EYS: variants seen among roughly 807,000 people sequenced by gnomAD.
EYS encodes EGF-like photoreceptor maintenance factor, also known as protein eyes shut homolog.
In EYS, 250 loss-of-function variants were observed where a neutral mutation model predicts 282.1. The observed-to-expected ratio is 0.89, with a 90% CI of 0.80 to 0.98. The LOEUF (loss-of-function observed/expected upper bound fraction) is 0.98. Among genes scored for constraint, EYS ranks in the 50% least tolerant of loss-of-function variants. The pLI is 0.00. For missense variants in EYS, 4,016 were observed against 3,709.0 expected, an observed-to-expected ratio of 1.08 and a Z score of -2.15; for synonymous variants, 1,355 against 1,282.9, an observed-to-expected ratio of 1.06 and a Z score of -1.20.
chr6:65,105,051 A>G (rs1395837431), intron 12 of EYS, among the ~76,000 whole-genome samples: 1 of 151,680 alleles, frequency 6.6e-6, no homozygotes, highest in East Asian at 1.9e-4. Context: ...ATGTTTTTCC[A>G]TGGTTAAAAA....
intron 18 of EYS, among the ~76,000 whole-genome samples, chr6:64,891,898 G>A (rs1237932166): frequency 6.6e-6 from 1 of 151,714 alleles, no homozygotes; most frequent in Non-Finnish European, 1.5e-5. Flanking sequence ...TAAATAAAAA[G>A]CTTTTACTTC....
At chr6:64,536,947 T>C (rs1365250971) in intron 26 of EYS, among the ~76,000 whole-genome samples, 1 of 152,042 alleles carries the variant, frequency 6.6e-6, no homozygotes, top group Non-Finnish European at 1.5e-5. Context: ...CCTCAATTAA[T>C]ATACATTTGT....
chr6:63,737,471 G>C (rs1768948059), intron 41 of EYS, among the ~76,000 whole-genome samples: 2 of 152,134 alleles, frequency 1.3e-5, no homozygotes, highest in Admixed American at 6.6e-5. Flanking sequence ...TTTTTGATGT[G>C]CTGTTGGATT....
chr6:64,886,411 T>C (rs964651758), intron 19 of EYS, among the ~76,000 whole-genome samples: 8 of 152,018 alleles, frequency 5.3e-5, no homozygotes, highest in Admixed American at 5.3e-4. Flanking sequence ...CATACAGAAA[T>C]ACTTTTTTGT....
chr6:63,937,151 A>T (rs1314904684), intron 35 of EYS, among the ~76,000 whole-genome samples: 1 of 152,048 alleles, frequency 6.6e-6, no homozygotes, highest in Non-Finnish European at 1.5e-5. Context: ...CAATTGTAGG[A>T]TGCAAATGGG....
chr6:64,944,128 C>T (rs1348811320), intron 15 of EYS, among the ~76,000 whole-genome samples: 1 of 152,086 alleles, frequency 6.6e-6, no homozygotes, highest in Non-Finnish European at 1.5e-5. Flanking sequence ...GAAGGACCCC[C>T]TATTCAATAA....
chr6:65,168,781 T>C (rs1356521986), intron 12 of EYS, among the ~76,000 whole-genome samples: 1 of 151,384 alleles, frequency 6.6e-6, no homozygotes, highest in East Asian at 2.0e-4. Context: ...GGGATTTTAC[T>C]AGGCAAACTT....
chr6:64,648,663 A>T (rs1025450416), intron 22 of EYS, among the ~76,000 whole-genome samples: 1 of 152,192 alleles, frequency 6.6e-6, no homozygotes, highest in Non-Finnish European at 1.5e-5. Context: ...AAGGTAAACG[A>T]TTTATAATCA....
chr6:64,808,298 A>C (rs1764498540), intron 22 of EYS, among the ~76,000 whole-genome samples: 1 of 152,132 alleles, frequency 6.6e-6, no homozygotes. Context: ...ATCACATTAA[A>C]TTAGCATTTT....
chr6:65,634,044 C>T (rs1767007299), intron 2 of EYS, among the ~76,000 whole-genome samples: 1 of 152,190 alleles, frequency 6.6e-6, no homozygotes, highest in South Asian at 2.1e-4. Flanking sequence ...GTAATCTTTC[C>T]AGGAAATGTT....
At chr6:64,174,691 T>C (rs984883897) in intron 31 of EYS, among the ~76,000 whole-genome samples, 1 of 151,906 alleles carries the variant, frequency 6.6e-6, no homozygotes, top group African/African-American at 2.4e-5. Context: ...ATAGGACATA[T>C]GTTTTACAAA....
At chr6:64,378,599 T>C (rs1170630166) in intron 29 of EYS, among the ~76,000 whole-genome samples, 1 of 152,228 alleles carries the variant, frequency 6.6e-6, no homozygotes, top group East Asian at 1.9e-4. Flanking sequence ...TAACAGTTAT[T>C]AAGTGTTAAA....
intron 19 of EYS, among the ~76,000 whole-genome samples, chr6:64,874,553 G>C (rs1214417737): frequency 6.6e-6 from 1 of 151,966 alleles, no homozygotes; most frequent in African/African-American, 2.4e-5. Context: ...TTAAGATGGG[G>C]GCTTGTGTGC....
chr6:64,433,262 A>T (rs1197981530), intron 28 of EYS, among the ~76,000 whole-genome samples: 10 of 152,012 alleles, frequency 6.6e-5, no homozygotes, highest in Admixed American at 6.6e-4. Flanking sequence ...ATATTTCAAC[A>T]ATAACAAAAT....
intron 12 of EYS, among the ~76,000 whole-genome samples, chr6:65,215,387 G>A (rs1299713425): frequency 6.6e-6 from 1 of 152,088 alleles, no homozygotes; most frequent in Non-Finnish European, 1.5e-5. Context: ...AATAACAAGA[G>A]AACTAGAATT....
intron 23 of EYS, among the ~76,000 whole-genome samples, chr6:64,624,471 G>T: frequency 6.6e-6 from 1 of 152,080 alleles, no homozygotes; most frequent in East Asian, 1.9e-4. Flanking sequence ...CTTGAAAGAG[G>T]CAAAATGTTT....
chr6:65,215,171 G>T (rs150164639), intron 12 of EYS, among the ~76,000 whole-genome samples: 89 of 152,188 alleles, frequency 5.8e-4, no homozygotes, highest in African/African-American at 1.8e-3. Context: ...AGATACCATA[G>T]ATAGTGATTC....
At chr6:65,121,136 C>A (rs950538846) in intron 12 of EYS, among the ~76,000 whole-genome samples, 6 of 152,046 alleles carry the variant, frequency 3.9e-5, no homozygotes, top group African/African-American at 1.4e-4. Context: ...GAATCCTATT[C>A]TTTCTGGTAT....
intron 26 of EYS, among the ~76,000 whole-genome samples, chr6:64,468,863 G>A (rs929878917): frequency 2.6e-5 from 4 of 152,080 alleles, no homozygotes; most frequent in Middle Eastern, 3.2e-3. Flanking sequence ...GTAGTATTCC[G>A]TGGTGTATAC....
Sources: allele counts gnomAD v4.1 joint callset (sites outside exome capture counted in the v4.1 genomes callset), GRCh38; gene constraint gnomAD v4.1.1; transcripts MANE v1.5; gene names NCBI Gene and HGNC (gene_info 2026-07-23, HGNC 2026-07-21).